ERBB4: variants seen among roughly 807,000 people sequenced by gnomAD.
ERBB4 encodes the protein erb-b2 receptor tyrosine kinase 4.
In ERBB4, 42 loss-of-function variants were observed where a neutral mutation model predicts 158.0. The ratio of observed to expected loss-of-function variants is 0.27; its 90% CI spans 0.21 to 0.34. The LOEUF (loss-of-function observed/expected upper bound fraction) is 0.34. ERBB4 is among the 10% of genes least tolerant of loss of function. The pLI is 1.00. For missense variants in ERBB4, 1,333 were observed against 1,624.1 expected (o/e 0.82, Z 3.08); for synonymous variants, 583 against 558.7 (o/e 1.04, Z -0.61).
intron 1 of ERBB4, among the ~76,000 whole-genome samples, chr2:212,488,249 G>A (rs1690084626): frequency 6.6e-6 from 1 of 151,252 alleles, no homozygotes; most frequent in Admixed American, 6.6e-5. Flanking sequence ...TCCTCTCTTG[G>A]CTTCTTGAAT....
rs148476596 is a variant in ERBB4, at chr2:211,741,030, G to A, written c.622+9609C>T. On this transcript the variant is annotated intron_variant, in intron 5 of 27. Coordinates refer to ENST00000342788, the MANE Select transcript of ERBB4 (RefSeq NM_005235.3). ...TTCATGCTTGCTAAATTCTCAAACCGTTAGAGTGGTATGTAAGTGCTTGCT... is the reference window on the plus strand; with the variant it reads ...TTCATGCTTGCTAAATTCTCAAACCATTAGAGTGGTATGTAAGTGCTTGCT... Among the ~76,000 whole-genome samples the A allele has an allele frequency of 3.6e-3, 542 of 152,264 alleles. 5 individuals are homozygous for A. The highest frequency in any genetic ancestry group is 0.014 in the Middle Eastern group (4 of 294).
intron 20 of ERBB4, among the ~76,000 whole-genome samples, chr2:211,533,076 T>C (rs7582551): frequency 0.34 from 51,646 of 151,396 alleles, 10,264 homozygotes; most frequent in East Asian, 0.65. Flanking sequence ...GAATATATCA[T>C]GTAGATATTT....
chr2:211,525,577 C>CTT (rs2066323987), intron 20 of ERBB4, among the ~76,000 whole-genome samples: 1 of 152,136 alleles, frequency 6.6e-6, no homozygotes, highest in African/African-American at 2.4e-5. Context: ...AGATGAGACT[C>CTT]TGAGATGTGC....
intron 1 of ERBB4, among the ~76,000 whole-genome samples, chr2:212,365,937 CAAT>C (rs977367619): frequency 4.0e-5 from 6 of 151,782 alleles, no homozygotes; most frequent in Non-Finnish European, 8.8e-5. Context: ...GCTAAAACAA[CAAT>C]GACAATTAAG....
chr2:211,817,146 T>A (rs114472352), intron 3 of ERBB4, among the ~76,000 whole-genome samples: 4,352 of 152,224 alleles, frequency 0.029, 71 homozygotes, highest in African/African-American at 0.035. Flanking sequence ...CACGGGGGGA[T>A]TTTTAAGGCT....
intron 22 of ERBB4, among the ~76,000 whole-genome samples, chr2:211,428,129 G>A (rs776385376): frequency 2.6e-5 from 4 of 151,572 alleles, no homozygotes; most frequent in East Asian, 3.9e-4. Flanking sequence ...CCTAGATGAC[G>A]GGTTGATAGG....
intron 1 of ERBB4, among the ~76,000 whole-genome samples, chr2:212,320,655 G>C (rs142587016): frequency 6.7e-6 from 1 of 149,760 alleles, no homozygotes; most frequent in African/African-American, 2.4e-5. Context: ...CAAGCATTGG[G>C]ACACAGAAAG....
intron 5 of ERBB4, 37 bp downstream of exon 5, chr2:211,750,602 A>T (rs1232895956): frequency 1.3e-6 from 2 of 1,563,074 alleles, no homozygotes; most frequent in South Asian, 2.2e-5. Flanking sequence ...TTCCTTGACC[A>T]CATCAAACCT....
At chr2:212,302,523 T>G (rs2086659949) in intron 1 of ERBB4, among the ~76,000 whole-genome samples, 1 of 151,438 alleles carries the variant, frequency 6.6e-6, no homozygotes, top group Non-Finnish European at 1.5e-5. Context: ...TAGAGTCCAT[T>G]TTATTACCTC....
intron 19 of ERBB4, among the ~76,000 whole-genome samples, chr2:211,618,083 A>C (rs1461885246): frequency 6.6e-6 from 1 of 151,988 alleles, no homozygotes; most frequent in African/African-American, 2.4e-5. Context: ...TTTTACTCAT[A>C]GTTGGAGTTT....
intron 1 of ERBB4, among the ~76,000 whole-genome samples, chr2:212,313,849 G>C (rs150397401): frequency 6.6e-6 from 1 of 151,110 alleles, no homozygotes; most frequent in African/African-American, 2.4e-5. Context: ...ATTAACTACT[G>C]TTCAATCTCC....
At chr2:211,517,993 T>C (rs2066083012) in intron 20 of ERBB4, among the ~76,000 whole-genome samples, 1 of 152,164 alleles carries the variant, frequency 6.6e-6, no homozygotes, top group African/African-American at 2.4e-5. Context: ...CTGCCTGGTC[T>C]TATTGTACAA....
chr2:211,571,533 C>T (rs958430843), intron 19 of ERBB4, among the ~76,000 whole-genome samples: 4 of 152,116 alleles, frequency 2.6e-5, no homozygotes, highest in African/African-American at 9.7e-5. Context: ...TCCTCCACTC[C>T]TATAATTTCA....
intron 20 of ERBB4, 70 bp downstream of exon 20, chr2:211,561,833 T>A (rs755666230): frequency 7.6e-7 from 1 of 1,318,262 alleles, no homozygotes; most frequent in Admixed American, 1.7e-5. Context: ...ATTTTCAATA[T>A]GAAAACTGTT....
intron 1 of ERBB4, among the ~76,000 whole-genome samples, chr2:212,516,883 T>C (rs894776055): frequency 1.3e-5 from 2 of 152,098 alleles, no homozygotes; most frequent in African/African-American, 4.8e-5. Flanking sequence ...ATTGAAGAAA[T>C]GAATGTCTAG....
At chr2:212,057,979 A>G (rs1444770750) in intron 2 of ERBB4, among the ~76,000 whole-genome samples, 1 of 152,000 alleles carries the variant, frequency 6.6e-6, no homozygotes, top group East Asian at 1.9e-4. Flanking sequence ...TCAAAAAATC[A>G]ATGAATCCAG....
chr2:212,279,995 T>C (rs1317085219), intron 1 of ERBB4, among the ~76,000 whole-genome samples: 2 of 151,606 alleles, frequency 1.3e-5, no homozygotes, highest in East Asian at 3.9e-4. Context: ...TCAAACAACA[T>C]CTAGAATAAT....
intron 1 of ERBB4, among the ~76,000 whole-genome samples, chr2:212,534,704 A>C (rs1167693449): frequency 6.6e-6 from 1 of 152,220 alleles, no homozygotes; most frequent in Non-Finnish European, 1.5e-5. Flanking sequence ...AGATGTAAAG[A>C]GAGAATCTAT....
At chr2:211,532,263 C>T (rs1421755569) in intron 20 of ERBB4, among the ~76,000 whole-genome samples, 9 of 151,938 alleles carry the variant, frequency 5.9e-5, no homozygotes, top group Admixed American at 4.6e-4. Context: ...TTTAATTGTA[C>T]ATTTTAAAGT....
Sources: gnomAD v4.1 joint callset for allele counts (sites outside exome capture counted in the v4.1 genomes callset) on GRCh38, gnomAD v4.1.1 for gene constraint, MANE v1.5 for transcripts, NCBI Gene and HGNC (gene_info 2026-07-23, HGNC 2026-07-21) for gene names.